Variants in DAGLA observed in about 807,000 individuals in gnomAD.
The protein encoded by DAGLA is diacylglycerol lipase-alpha.
A neutral mutation model predicts 102.6 loss-of-function variants in DAGLA; 22 were observed. The ratio of observed to expected loss-of-function variants is 0.21; its 90% CI spans 0.15 to 0.31. DAGLA has a LOEUF of 0.31. DAGLA is among the 10% of genes least tolerant of loss of function. The pLI is 1.00. For missense variants in DAGLA, 927 were observed against 1,446.6 expected (o/e 0.64, Z 5.83); for synonymous variants, 578 against 628.9 (o/e 0.92, Z 1.21).
At chr11:61,714,751 A>G (rs568538830) in intron 1 of DAGLA, among the ~76,000 whole-genome samples, 1 of 152,282 alleles carries the variant, frequency 6.6e-6, no homozygotes, top group South Asian at 2.1e-4. Context: ...CTCGCCCATG[A>G]AAGGGGACAG....
intron 1 of DAGLA, among the ~76,000 whole-genome samples, chr11:61,715,019 C>G (rs1206409099): frequency 6.6e-6 from 1 of 152,184 alleles, no homozygotes; most frequent in Admixed American, 6.5e-5. Flanking sequence ...GGTAGGTACT[C>G]TTCTTATCCC....
rs538471748 is a variant in DAGLA at position 61,706,121 on chromosome 11, T to C, written c.-44-13991T>C. On this transcript the variant is annotated intron_variant, in intron 1 of 19. Coordinates refer to ENST00000257215, the MANE Select transcript of DAGLA (RefSeq NM_006133.3). Reference sequence around the variant, plus strand: ...TAACAGGGCCCCTTTCGAAGTAGAGTACACCCCAGGGAGGCTTCCAGGGTG... The same window carrying C: ...TAACAGGGCCCCTTTCGAAGTAGAGCACACCCCAGGGAGGCTTCCAGGGTG... Among the ~76,000 whole-genome samples, 19 of 152,160 alleles carry C rather than the reference T, an allele frequency of 1.2e-4. No individual in the cohort carries two copies. In the Middle Eastern group the frequency reaches 0.01, roughly 82 times the overall value.
chr11:61,693,494 G>A (rs572826890), intron 1 of DAGLA, among the ~76,000 whole-genome samples: 4 of 151,108 alleles, frequency 2.6e-5, no homozygotes, highest in South Asian at 2.1e-4. Flanking sequence ...GACTACAGGC[G>A]CCCACCACCA....
chr11:61,713,054 G>A (rs945637914), intron 1 of DAGLA, among the ~76,000 whole-genome samples: 2 of 152,146 alleles, frequency 1.3e-5, no homozygotes, highest in African/African-American at 2.4e-5. Flanking sequence ...AGTGTTTCTA[G>A]TGCCTTGCTC....
At chr11:61,692,708 G>A (rs1287711410) in intron 1 of DAGLA, among the ~76,000 whole-genome samples, 1 of 152,074 alleles carries the variant, frequency 6.6e-6, no homozygotes, top group Non-Finnish European at 1.5e-5. Flanking sequence ...ACTCTGCCTG[G>A]GGCCCAGCTG....
At chr11:61,681,773 G>A (rs2064944398) in intron 1 of DAGLA, among the ~76,000 whole-genome samples, 1 of 152,108 alleles carries the variant, frequency 6.6e-6, no homozygotes, top group Non-Finnish European at 1.5e-5. Context: ...TAGCTCCTAT[G>A]TTAAAACCCC....
intron 1 of DAGLA, among the ~76,000 whole-genome samples, chr11:61,710,205 G>A (rs1016223129): frequency 2.0e-5 from 3 of 152,100 alleles, no homozygotes; most frequent in South Asian, 2.1e-4. Context: ...GCTGGGATTC[G>A]TGCTGGGAGC....
chr11:61,720,558 G>T lies in DAGLA; in HGVS notation c.96-121G>T, dbSNP rs1430136390. 3 of 889,630 alleles carry T rather than the reference G, an allele frequency of 3.4e-6. No individual in the cohort carries two copies. In the East Asian group the frequency reaches 7.8e-5, roughly 23 times the overall value. The allele number at this position is 889,630 out of a possible 1,614,324, so 55.1% of individuals were successfully genotyped here. On this transcript the variant is annotated intron_variant, in intron 2 of 19. Coordinates refer to ENST00000257215, the MANE Select transcript of DAGLA (RefSeq NM_006133.3). ...GCCAGGTGGACAATGGTCTTATGGA[G>T]GAGGTGCCTGCTGCCAGCCCTCCTT...
chr11:61,728,492 C>T (rs2065349665), intron 7 of DAGLA, among the ~76,000 whole-genome samples: 1 of 152,222 alleles, frequency 6.6e-6, no homozygotes, highest in South Asian at 2.1e-4. Context: ...TCCGTGACTA[C>T]TACTCTAGGG....
In DAGLA at chr11:61,691,156, C is replaced by G. The variant is rs958049197; in HGVS notation, c.-45+10652C>G. ...AATCCCTCCCTTCCCCAGGTGAACCCTATTCAGCAGGCTTCCGGCAGCAAT... is the reference window on the plus strand; with the variant it reads ...AATCCCTCCCTTCCCCAGGTGAACCGTATTCAGCAGGCTTCCGGCAGCAAT... On this transcript the variant is annotated intron_variant, in intron 1 of 19. Coordinates refer to ENST00000257215, the MANE Select transcript of DAGLA (RefSeq NM_006133.3). 8.5e-5 allele frequency among the ~76,000 whole-genome samples: 13 copies of G among 152,354 alleles called. No homozygotes were observed. In the South Asian group the frequency reaches 2.5e-3, roughly 29 times the overall value.
chr11:61,740,690 C>G, intron 18 of DAGLA, 98 bp downstream of exon 18: 1 of 1,498,218 alleles, frequency 6.7e-7, no homozygotes, highest in Non-Finnish European at 9.1e-7. Flanking sequence ...ATTTTACAGA[C>G]AAGGGTGCTG....
rs1202991576 is a variant in DAGLA at position 61,684,669 on chromosome 11, C to T, written c.-45+4165C>T. On this transcript the variant is annotated intron_variant, in intron 1 of 19. Transcript: ENST00000257215. This position sits in a 1 kb window ranked among gnomAD's most constrained non-coding sequence, Gnocchi z 4.5. ...GATGGGGATGGGGCTGTTATTACCG[C>T]GGGGCTGCCCGGGGAGTGCACGTGT... 1.3e-5 allele frequency among the ~76,000 whole-genome samples: 2 copies of T among 152,078 alleles called. No homozygotes were observed. Among genetic ancestry groups the T allele is most frequent in the African/African-American group, 4.8e-5 (2 of 41,404 alleles).
chr11:61,725,547 G>C (rs1272776436), intron 5 of DAGLA, among the ~76,000 whole-genome samples: 1 of 152,214 alleles, frequency 6.6e-6, no homozygotes, highest in Non-Finnish European at 1.5e-5. Context: ...TGGAAGGTCT[G>C]TTCCAGGCCT....
At chr11:61,713,489 T>C (rs577734850) in intron 1 of DAGLA, among the ~76,000 whole-genome samples, 2 of 152,312 alleles carry the variant, frequency 1.3e-5, no homozygotes, top group South Asian at 2.1e-4. Flanking sequence ...CCCCAACTTA[T>C]AGGTGGCTGA....
rs568264617 is a variant in DAGLA at position 61,684,867 on chromosome 11, C to G, written c.-45+4363C>G. On this transcript the variant is annotated intron_variant, in intron 1 of 19. Transcript: ENST00000257215. This position sits in a 1 kb window ranked among gnomAD's most constrained non-coding sequence, Gnocchi z 4.5. ...CACAGCAGGAGGGAACAGTGGGAGTCGGAGGAGGCTGCCTTCAGGCTGTGG... is the reference window on the plus strand; with the variant it reads ...CACAGCAGGAGGGAACAGTGGGAGTGGGAGGAGGCTGCCTTCAGGCTGTGG... 1.3e-5 allele frequency among the ~76,000 whole-genome samples: 2 copies of G among 151,826 alleles called. No homozygotes were observed. The highest frequency in any genetic ancestry group is 2.9e-5 in the Non-Finnish European group (2 of 67,926).
chr11:61,721,742 C>T (rs1305969139), intron 3 of DAGLA, among the ~76,000 whole-genome samples: 18 of 152,256 alleles, frequency 1.2e-4, no homozygotes, highest in Non-Finnish European at 1.5e-5. Context: ...GAACACTGCT[C>T]TTGTGCTTCT....
At chr11:61,737,421 C>T in intron 14 of DAGLA, 97 bp downstream of exon 14, 7 of 1,543,942 alleles carry the variant, frequency 4.5e-6, no homozygotes, top group Non-Finnish European at 6.2e-6. Flanking sequence ...AGTCTGACTT[C>T]TGGTCACATG....
chr11:61,705,314 T>G (rs2065140278), intron 1 of DAGLA, among the ~76,000 whole-genome samples: 2 of 152,210 alleles, frequency 1.3e-5, no homozygotes, highest in African/African-American at 4.8e-5. Flanking sequence ...CACCCACTTC[T>G]CTTCACCCTC....
At chr11:61,725,357 G>T (rs754075793) in intron 5 of DAGLA, among the ~76,000 whole-genome samples, 1 of 152,184 alleles carries the variant, frequency 6.6e-6, no homozygotes, top group Non-Finnish European at 1.5e-5. Context: ...GATGGGGTTG[G>T]GGGGTGAGAA....
Sources: gnomAD v4.1 joint callset for allele counts (sites outside exome capture counted in the v4.1 genomes callset) on GRCh38, gnomAD v4.1.1 for gene constraint, Gnocchi (gnomAD v3.1) non-coding constraint, MANE v1.5 for transcripts, NCBI Gene and HGNC (gene_info 2026-07-23, HGNC 2026-07-21) for gene names.